The following FUT8 variants were observed in gnomAD, a reference collection of about 807,000 sequenced individuals.
FUT8 encodes the protein alpha-(1,6)-fucosyltransferase.
In FUT8, 29 loss-of-function variants were observed where a neutral mutation model predicts 71.3. That is an observed-to-expected ratio of 0.41 (90% CI 0.30 to 0.55). The LOEUF (loss-of-function observed/expected upper bound fraction) is 0.55, where lower values mean the gene tolerates loss of function less well. Among genes scored for constraint, FUT8 ranks in the 20% least tolerant of loss-of-function variants. FUT8 has a pLI of 0.34. For missense variants in FUT8, 544 were observed against 702.1 expected (o/e 0.77, Z 2.55); for synonymous variants, 254 against 239.3 (o/e 1.06, Z -0.57).
At chr14:65,720,763 G>T (rs1895374003) in intron 7 of FUT8, among the ~76,000 whole-genome samples, 2 of 152,172 alleles carry the variant, frequency 1.3e-5, no homozygotes, top group South Asian at 4.1e-4. Flanking sequence ...GCCTATAGTG[G>T]TGCGGCTTGT....
chr14:65,585,648 T>C (rs139172620), intron 3 of FUT8, among the ~76,000 whole-genome samples: 2,965 of 152,346 alleles, frequency 0.019, 40 homozygotes, highest in Non-Finnish European at 0.028. Context: ...AAATATACTT[T>C]TAGACAAGGA....
intron 1 of FUT8, among the ~76,000 whole-genome samples, chr14:65,436,352 C>G (rs769758926): frequency 1.3e-5 from 2 of 152,076 alleles, no homozygotes; most frequent in Non-Finnish European, 2.9e-5. Context: ...TGATAGTGGC[C>G]AGGCACAGTG....
chr14:65,457,179 A>T (rs1340323119), intron 2 of FUT8, among the ~76,000 whole-genome samples: 2 of 151,988 alleles, frequency 1.3e-5, no homozygotes, highest in Non-Finnish European at 2.9e-5. Flanking sequence ...TCATCCCCTG[A>T]CCCCATGTAT....
chr14:65,466,999 G>A (rs767144874), intron 2 of FUT8, among the ~76,000 whole-genome samples: 1 of 152,006 alleles, frequency 6.6e-6, no homozygotes, highest in Non-Finnish European at 1.5e-5. Flanking sequence ...TGAACAAGTT[G>A]TTATCTGTTA....
intron 2 of FUT8, among the ~76,000 whole-genome samples, chr14:65,525,812 G>A (rs776326811): frequency 6.6e-6 from 1 of 152,070 alleles, no homozygotes; most frequent in Non-Finnish European, 1.5e-5. Flanking sequence ...CCTTCATTTC[G>A]TTACGTACCC....
intron 6 of FUT8, among the ~76,000 whole-genome samples, chr14:65,661,413 C>G (rs1445564524): frequency 6.6e-6 from 1 of 152,140 alleles, no homozygotes; most frequent in African/African-American, 2.4e-5. Flanking sequence ...TTCAGTTGAA[C>G]TAATGGTTAT....
At chr14:65,618,004 T>G (rs2140230437) in intron 5 of FUT8, among the ~76,000 whole-genome samples, 1 of 125,674 alleles carries the variant, frequency 8.0e-6, no homozygotes, top group Admixed American at 8.7e-5. Context: ...TTTTTAAAAA[T>G]TAATTCATAT....
chr14:65,359,129 A>C, the FUT8 span, among the ~76,000 whole-genome samples: 4 of 152,082 alleles, frequency 2.6e-5, no homozygotes, highest in African/African-American at 9.7e-5. Context: ...TGAAGAGACC[A>C]GGGCATCTGT....
At chr14:65,428,202 C>G (rs1595362434) in intron 1 of FUT8, among the ~76,000 whole-genome samples, 1 of 152,320 alleles carries the variant, frequency 6.6e-6, no homozygotes, top group South Asian at 2.1e-4. Context: ...TACATTAACT[C>G]TTCCTCTTAA....
At chr14:65,640,273 A>G (rs1594848911) in intron 6 of FUT8, among the ~76,000 whole-genome samples, 1 of 152,044 alleles carries the variant, frequency 6.6e-6, no homozygotes, top group African/African-American at 2.4e-5. Context: ...AAAAAATGCT[A>G]CAGTCATCTC....
chr14:65,456,821 C>T (rs560689299), intron 2 of FUT8, among the ~76,000 whole-genome samples: 4 of 147,964 alleles, frequency 2.7e-5, no homozygotes, highest in African/African-American at 1.0e-4. Context: ...TGCAGTGAGC[C>T]GAGATCACAC....
chr14:65,675,566 A>G (rs1242589385), intron 7 of FUT8, among the ~76,000 whole-genome samples: 2 of 152,160 alleles, frequency 1.3e-5, no homozygotes, highest in African/African-American at 2.4e-5. Context: ...ACACCATTCT[A>G]TGAGTTTTTT....
chr14:65,601,252 A>AT (rs1442670362), intron 3 of FUT8, among the ~76,000 whole-genome samples: 12 of 152,150 alleles, frequency 7.9e-5, no homozygotes, highest in Non-Finnish European at 1.6e-4. Flanking sequence ...ATAAAGTGAT[A>AT]TTTTCTTTCA....
intron 3 of FUT8, among the ~76,000 whole-genome samples, chr14:65,569,808 T>C (rs1435531974): frequency 1.3e-5 from 2 of 152,010 alleles, no homozygotes; most frequent in Admixed American, 1.3e-4. Context: ...CTACAGAGGC[T>C]TTTCTCTGTT....
intron 7 of FUT8, among the ~76,000 whole-genome samples, chr14:65,678,782 A>G (rs2268960): frequency 0.14 from 21,025 of 152,126 alleles, 1,996 homozygotes; most frequent in East Asian, 0.48. Context: ...AAACACTGCA[A>G]TGGAATTGTA....
chr14:65,521,440 A>C (rs562546938), intron 2 of FUT8, among the ~76,000 whole-genome samples: 2 of 152,346 alleles, frequency 1.3e-5, no homozygotes, highest in South Asian at 2.1e-4. Context: ...TCTAGAGAAA[A>C]GTAAGTACAT....
chr14:65,702,353 A>AG (rs1894344287), intron 7 of FUT8, among the ~76,000 whole-genome samples: 1 of 151,756 alleles, frequency 6.6e-6, no homozygotes, highest in Non-Finnish European at 1.5e-5. Flanking sequence ...CTCAAAAAAA[A>AG]AAAAAAAGGG....
chr14:65,716,444 T>TC (rs1432895939), intron 7 of FUT8, among the ~76,000 whole-genome samples: 1 of 151,798 alleles, frequency 6.6e-6, no homozygotes, highest in African/African-American at 2.4e-5. Context: ...TTTTTTTTTT[T>TC]CCTGCCTTCA....
intron 9 of FUT8, among the ~76,000 whole-genome samples, chr14:65,732,356 G>A (rs1171105007): frequency 6.6e-6 from 1 of 152,190 alleles, no homozygotes; most frequent in Non-Finnish European, 1.5e-5. Flanking sequence ...ACTCAGCATT[G>A]TGTGGAGTGC....
Sources: allele counts gnomAD v4.1 joint callset (sites outside exome capture counted in the v4.1 genomes callset), GRCh38; gene constraint gnomAD v4.1.1; transcripts MANE v1.5; gene names NCBI Gene and HGNC (gene_info 2026-07-23, HGNC 2026-07-21).